CSMD1: variants seen among roughly 807,000 people sequenced by gnomAD.
The protein encoded by CSMD1 is CUB and Sushi multiple domains 1.
CSMD1 carries 213 observed loss-of-function variants against 417.5 expected under a neutral mutation model. The ratio of observed to expected loss-of-function variants is 0.51; its 90% CI spans 0.46 to 0.57. CSMD1 has a LOEUF of 0.57. Ranked by LOEUF, CSMD1 falls within the 20% of genes least tolerant of loss-of-function variation. The pLI is 0.00. For synonymous variants in CSMD1, 2,862 were observed against 1,736.8 expected (o/e 1.65, Z -16.11); for missense variants, 6,923 against 4,529.7 (o/e 1.53, Z -15.17).
Position 4,198,603 on chromosome 8 carries a change from A to G in CSMD1, c.416-166504T>C, listed in dbSNP as rs891872665. On this transcript the variant is annotated intron_variant, in intron 3 of 69. Coordinates refer to ENST00000635120, the MANE Select transcript of CSMD1 (RefSeq NM_033225.6). ...TTTCAGCGCCTTTGATTTTAACGTA[A>G]TGAGTCTTTAAGCATATAGATCGAT... is the stretch of plus-strand genomic sequence containing the variant. Among the ~76,000 whole-genome samples, 10 of 152,266 alleles carry G rather than the reference A, an allele frequency of 6.6e-5. No individual in the cohort carries two copies. In the East Asian group the frequency reaches 9.7e-4, roughly 15 times the overall value.
intron 2 of CSMD1, among the ~76,000 whole-genome samples, chr8:4,605,690 C>G (rs1383447778): frequency 6.6e-6 from 1 of 152,058 alleles, no homozygotes; most frequent in Non-Finnish European, 1.5e-5. Context: ...ACTTCTGTCC[C>G]TTGTAGAATG....
intron 18 of CSMD1, among the ~76,000 whole-genome samples, chr8:3,371,682 A>C (rs1429784345): frequency 6.6e-6 from 1 of 152,176 alleles, no homozygotes; most frequent in East Asian, 1.9e-4. Flanking sequence ...GAAAGATGTG[A>C]CTAGCCTCAT....
At chr8:3,139,698 T>A (rs570412933) in intron 41 of CSMD1, among the ~76,000 whole-genome samples, 1 of 152,116 alleles carries the variant, frequency 6.6e-6, no homozygotes, top group Non-Finnish European at 1.5e-5. Flanking sequence ...AATAGATATG[T>A]ACGTGTGTAT....
intron 5 of CSMD1, among the ~76,000 whole-genome samples, chr8:3,801,932 C>T (rs1355543179): frequency 6.6e-6 from 1 of 151,958 alleles, no homozygotes; most frequent in East Asian, 1.9e-4. Flanking sequence ...GGTGGGGAGT[C>T]AGGGTAGAAC....
intron 30 of CSMD1, among the ~76,000 whole-genome samples, chr8:3,213,662 T>C (rs966909412): frequency 6.7e-6 from 1 of 149,998 alleles, no homozygotes; most frequent in Non-Finnish European, 1.5e-5. Flanking sequence ...TACAGATAAA[T>C]AGGTGTAAAT....
intron 1 of CSMD1, among the ~76,000 whole-genome samples, chr8:4,934,859 AACTAT>A (rs1807502854): frequency 6.6e-6 from 1 of 152,098 alleles, no homozygotes; most frequent in Non-Finnish European, 1.5e-5. Flanking sequence ...TCAATCATCT[AACTAT>A]ACTACATCAA....
At chr8:4,460,198 G>T (rs909691934) in intron 2 of CSMD1, among the ~76,000 whole-genome samples, 1 of 151,966 alleles carries the variant, frequency 6.6e-6, no homozygotes, top group African/African-American at 2.4e-5. Context: ...TAGAATTTGA[G>T]AAATAATAGA....
intron 3 of CSMD1, among the ~76,000 whole-genome samples, chr8:4,270,376 G>T (rs1804510673): frequency 6.6e-6 from 1 of 151,614 alleles, no homozygotes; most frequent in South Asian, 2.1e-4. Flanking sequence ...GTTCTCCTTC[G>T]TCTCCATCCA....
chr8:3,084,597 A>G (rs1477396885), intron 49 of CSMD1, among the ~76,000 whole-genome samples: 1 of 151,990 alleles, frequency 6.6e-6, no homozygotes, highest in African/African-American at 2.4e-5. Context: ...TAAACAAATA[A>G]AATCTCTCTT....
intron 6 of CSMD1, among the ~76,000 whole-genome samples, chr8:3,747,602 G>T (rs1797123780): frequency 6.6e-6 from 1 of 151,742 alleles, no homozygotes; most frequent in African/African-American, 2.4e-5. Flanking sequence ...TATGGTTAAT[G>T]AACATTTAGG....
At chr8:4,342,292 C>T (rs893064865) in intron 3 of CSMD1, among the ~76,000 whole-genome samples, 4 of 150,728 alleles carry the variant, frequency 2.7e-5, no homozygotes, top group South Asian at 2.1e-4. Flanking sequence ...AACCACAAGC[C>T]AAGATTCAAA....
intron 2 of CSMD1, among the ~76,000 whole-genome samples, chr8:4,434,677 T>G (rs574171843): frequency 1.3e-5 from 2 of 152,286 alleles, no homozygotes; most frequent in East Asian, 3.9e-4. Flanking sequence ...ACTTTTTGAC[T>G]GGAAAGGAAC....
At chr8:3,810,288 A>C (rs1012720265) in intron 5 of CSMD1, among the ~76,000 whole-genome samples, 1 of 152,228 alleles carries the variant, frequency 6.6e-6, no homozygotes, top group Non-Finnish European at 1.5e-5. Context: ...GATGTTTCAC[A>C]GGACGAAGAC....
chr8:3,825,900 A>C (rs1802030223), intron 5 of CSMD1, among the ~76,000 whole-genome samples: 2 of 152,212 alleles, frequency 1.3e-5, no homozygotes, highest in South Asian at 4.1e-4. Flanking sequence ...TATCATGACA[A>C]AATCAGACAT....
intron 7 of CSMD1, among the ~76,000 whole-genome samples, chr8:3,636,295 G>A (rs1049504053): frequency 6.6e-6 from 1 of 152,098 alleles, no homozygotes; most frequent in Non-Finnish European, 1.5e-5. Context: ...CCCTGCCTGA[G>A]GCTGTTGTAC....
intron 26 of CSMD1, among the ~76,000 whole-genome samples, chr8:3,235,253 G>T (rs999444858): frequency 2.6e-5 from 4 of 152,034 alleles, no homozygotes; most frequent in Non-Finnish European, 5.9e-5. Flanking sequence ...AGGGATAACA[G>T]TTTCATTATA....
chr8:4,167,580 T>A (rs932299926), intron 3 of CSMD1, among the ~76,000 whole-genome samples: 1 of 152,150 alleles, frequency 6.6e-6, no homozygotes, highest in Non-Finnish European at 1.5e-5. Flanking sequence ...AATTCAACCA[T>A]TTAAGGATAT....
At chr8:4,900,987 A>G (rs1049841239) in intron 1 of CSMD1, among the ~76,000 whole-genome samples, 1 of 152,218 alleles carries the variant, frequency 6.6e-6, no homozygotes, top group Non-Finnish European at 1.5e-5. Context: ...TGAATGAATT[A>G]ATGATTCACC....
chr8:4,574,166 G>A (rs1717984218), intron 2 of CSMD1, among the ~76,000 whole-genome samples: 1 of 124,168 alleles, frequency 8.1e-6, no homozygotes, highest in African/African-American at 2.6e-5. Context: ...GAGACGCTGG[G>A]GTCCAAAAAA....
Sources: allele counts gnomAD v4.1 joint callset (sites outside exome capture counted in the v4.1 genomes callset), GRCh38; gene constraint gnomAD v4.1.1; transcripts MANE v1.5; gene names NCBI Gene and HGNC (gene_info 2026-07-23, HGNC 2026-07-21).